Variants in CAMKK2 observed in about 807,000 individuals in gnomAD.
The protein encoded by CAMKK2 is calcium/calmodulin-dependent protein kinase kinase 2.
Under a neutral mutation model 67.2 loss-of-function variants are expected in CAMKK2, and 30 were observed. The ratio of observed to expected loss-of-function variants is 0.45; its 90% CI spans 0.33 to 0.61. CAMKK2 has a LOEUF of 0.61. CAMKK2 is among the 20% of genes least tolerant of loss of function. The probability of loss-of-function intolerance (pLI) is 0.02; values close to 1 mark genes in which losing one functional copy is unlikely to be tolerated. For missense variants in CAMKK2, 643 were observed against 802.0 expected, an observed-to-expected ratio of 0.80 and a Z score of 2.39; for synonymous variants, 322 against 326.2, an observed-to-expected ratio of 0.99 and a Z score of 0.14.
At position 121,253,314 on chromosome 12, in the gene CAMKK2, G is replaced by A; in HGVS notation, c.1066C>T (p.Pro356Ser). 6.2e-7 allele frequency: 1 copy of A among 1,614,212 alleles called. No homozygotes were observed. Among genetic ancestry groups the A allele is most frequent in the Non-Finnish European group, 8.5e-7 (1 of 1,180,030 alleles). Reference sequence around the variant, plus strand: ...TTGCGGGTCTCAGAGAGCGACTCGGGTGCCATGAAGGCGGGCGTGCCCACG... The same window carrying A: ...TTGCGGGTCTCAGAGAGCGACTCGGATGCCATGAAGGCGGGCGTGCCCACG... ...NTVGTPAFMAPESLSETRKIF... is the reference protein window; with the variant it reads ...NTVGTPAFMASESLSETRKIF... Residue 356 changes from proline to serine, a missense_variant, in exon 10 of 17, where the codon CCC (proline) becomes TCC (serine). Coordinates refer to ENST00000404169, the MANE Select transcript of CAMKK2 (RefSeq NM_001270485.2). This position sits in a 1 kb window ranked among gnomAD's most constrained non-coding sequence, Gnocchi z 5.0.
intron 7 of CAMKK2, among the ~76,000 whole-genome samples, chr12:121,257,608 C>A (rs1344640919): frequency 1.3e-5 from 2 of 152,078 alleles, no homozygotes; most frequent in Admixed American, 6.6e-5. Flanking sequence ...AACAGGGAAG[C>A]TACTCAGACA....
intron 9 of CAMKK2, 39 bp downstream of exon 9, chr12:121,255,511 T>A: frequency 1.3e-6 from 2 of 1,535,986 alleles, no homozygotes; most frequent in Non-Finnish European, 1.8e-6. Flanking sequence ...GAATGCTAAC[T>A]ACCCACTGGG....
intron 6 of CAMKK2, among the ~76,000 whole-genome samples, chr12:121,263,467 G>T (rs1893888099): frequency 6.6e-6 from 1 of 152,176 alleles, no homozygotes; most frequent in African/African-American, 2.4e-5. Context: ...TACATCATGT[G>T]TGTGGCTGCT....
chr12:121,244,057 G>A (rs757298101), intron 16 of CAMKK2: 13 of 1,599,006 alleles, frequency 8.1e-6, no homozygotes, highest in African/African-American at 1.3e-5. Flanking sequence ...CAGCAAGAAG[G>A]TCTGCATCCA....
intron 5 of CAMKK2, among the ~76,000 whole-genome samples, chr12:121,264,897 G>C (rs1894223803): frequency 6.6e-6 from 1 of 151,862 alleles, no homozygotes; most frequent in Admixed American, 6.6e-5. Flanking sequence ...CCTGCGCCCA[G>C]GAAGATCAAG....
At chr12:121,271,732 A>T (rs1273922531) in intron 2 of CAMKK2, among the ~76,000 whole-genome samples, 1 of 152,092 alleles carries the variant, frequency 6.6e-6, no homozygotes, top group Non-Finnish European at 1.5e-5. Flanking sequence ...TTTGAGATGG[A>T]GTTTTGCTCT....
chr12:121,257,143 C>T (rs533973634), intron 7 of CAMKK2, among the ~76,000 whole-genome samples: 2 of 152,224 alleles, frequency 1.3e-5, no homozygotes, highest in African/African-American at 2.4e-5. Flanking sequence ...GAGGGGATAC[C>T]CCATTTTCCA....
intron 1 of CAMKK2, among the ~76,000 whole-genome samples, chr12:121,290,798 G>A (rs993567335): frequency 1.3e-5 from 2 of 152,110 alleles, no homozygotes; most frequent in African/African-American, 4.8e-5. Context: ...GAGGCAATGG[G>A]TTTGTTTTGT....
At chr12:121,241,490 C>G (rs1888367697) in intron 16 of CAMKK2, among the ~76,000 whole-genome samples, 1 of 152,192 alleles carries the variant, frequency 6.6e-6, no homozygotes, top group Admixed American at 6.5e-5. Context: ...GGAGGAGAGC[C>G]CTTGTTTCCC....
At chr12:121,276,294 C>T (rs1423787362) in intron 1 of CAMKK2, among the ~76,000 whole-genome samples, 1 of 151,642 alleles carries the variant, frequency 6.6e-6, no homozygotes, top group Non-Finnish European at 1.5e-5. Context: ...CTGGTGAAAC[C>T]CCATCTCTAC....
At chr12:121,261,527 A>G (rs2136308133) in intron 6 of CAMKK2, among the ~76,000 whole-genome samples, 1 of 152,310 alleles carries the variant, frequency 6.6e-6, no homozygotes, top group East Asian at 1.9e-4. Context: ...ACCCAAGATC[A>G]ATAAGACAAC....
intron 1 of CAMKK2, among the ~76,000 whole-genome samples, chr12:121,283,457 A>T (rs2136551328): frequency 6.6e-6 from 1 of 152,286 alleles, no homozygotes; most frequent in East Asian, 1.9e-4. Flanking sequence ...TCCCTAGAAC[A>T]AAAACGTTGC....
intron 7 of CAMKK2, among the ~76,000 whole-genome samples, chr12:121,259,590 G>A (rs1415421953): frequency 1.3e-5 from 2 of 152,050 alleles, no homozygotes; most frequent in Non-Finnish European, 2.9e-5. Context: ...TGCCTACTAT[G>A]TTTATAATCT....
At chr12:121,244,891 A>G (rs1889117800) in intron 15 of CAMKK2, among the ~76,000 whole-genome samples, 1 of 152,234 alleles carries the variant, frequency 6.6e-6, no homozygotes. Flanking sequence ...TGACTGACCA[A>G]GAGCCCCCCA....
intron 7 of CAMKK2, among the ~76,000 whole-genome samples, chr12:121,257,034 A>G (rs1892438550): frequency 6.9e-6 from 1 of 145,098 alleles, no homozygotes; most frequent in East Asian, 2.0e-4. Flanking sequence ...AAAAAAAAAG[A>G]GCACAGTCGA....
chr12:121,255,405 A>T (rs1892050857), intron 9 of CAMKK2, 145 bp downstream of exon 9: 1 of 250,200 alleles, frequency 4.0e-6, no homozygotes. Context: ...TGTATCTCCT[A>T]TTAGTTCTGT....
intron 9 of CAMKK2, among the ~76,000 whole-genome samples, chr12:121,255,315 T>TAA (rs1566059576): frequency 1.8e-4 from 1 of 5,622 alleles, no homozygotes; most frequent in Non-Finnish European, 3.7e-4. Context: ...TATATATAAT[T>TAA]TTATATATAT....
Position 121,240,359 on chromosome 12 carries a change from C to G in CAMKK2, c.*340G>C. On this transcript the variant is annotated 3_prime_UTR_variant, in exon 17 of 17. Transcript: ENST00000404169. The surrounding 1 kb of genome is among the most constrained non-coding windows in gnomAD (Gnocchi z 4.4). ...AGTTGTCAAACCCCACACACAGTCA[C>G]TTGGTATATCTGACGTGGTTCTGAA... 7.6e-7 allele frequency: 1 copy of G among 1,321,394 alleles called. No individual in the cohort carries two copies. 81.9% of individuals were successfully genotyped at this position (1,321,394 alleles called of 1,614,324 possible). A position where few individuals can be genotyped will look rare whatever the true frequency, so the allele number is the denominator to read the frequency against.
chr12:121,282,823 C>T (rs1458437955), intron 1 of CAMKK2, among the ~76,000 whole-genome samples: 2 of 152,058 alleles, frequency 1.3e-5, no homozygotes, highest in African/African-American at 2.4e-5. Flanking sequence ...GGCGCAATTT[C>T]GGCTTACTGC....
Sources: allele counts gnomAD v4.1 joint callset (sites outside exome capture counted in the v4.1 genomes callset), GRCh38; gene constraint gnomAD v4.1.1; non-coding constraint Gnocchi (gnomAD v3.1); transcripts MANE v1.5; gene names NCBI Gene and HGNC (gene_info 2026-07-23, HGNC 2026-07-21).